Variants in SPRYD4 observed in about 807,000 individuals in gnomAD.
SPRYD4 encodes the protein SPRY domain containing 4.
SPRYD4 carries 12 observed loss-of-function variants against 16.6 expected under a neutral mutation model. That is an observed-to-expected ratio of 0.72 (90% CI 0.46 to 1.17). The LOEUF is 1.17. SPRYD4 is among the 50% of genes most tolerant of loss of function. The pLI, the probability that SPRYD4 is intolerant of heterozygous loss-of-function variation, is 0.00. For synonymous variants in SPRYD4, 98 were observed against 105.4 expected (o/e 0.93, Z 0.43); for missense variants, 260 against 260.2 (o/e 1.00, Z 0.00).
chr12:56,474,636 C>G lies in SPRYD4; in HGVS notation c.*5059C>G. On this transcript the variant is annotated 3_prime_UTR_variant, in exon 2 of 2. Coordinates refer to ENST00000338146, the MANE Select transcript of SPRYD4 (RefSeq NM_207344.4). Reference sequence around the variant, plus strand: ...ACTGCTTCAGCACTCAGCACACTCTCGCCTGTGATGGGGCAGATCCCACCG... The same window carrying G: ...ACTGCTTCAGCACTCAGCACACTCTGGCCTGTGATGGGGCAGATCCCACCG... 6.2e-7 allele frequency: 1 copy of G among 1,614,134 alleles called. No homozygotes were observed. Among genetic ancestry groups the G allele is most frequent in the Non-Finnish European group, 8.5e-7 (1 of 1,180,006 alleles).
rs1870092607 is a variant in SPRYD4, at chr12:56,479,265, A to C, written c.*9688A>C. ...GGAGCCACGGAAATTGGGAATAAAG[A>C]AGGTTGAGTGGTCTTCAGGTTTGGG... is the stretch of plus-strand genomic sequence containing the variant. On this transcript the variant is annotated 3_prime_UTR_variant, in exon 2 of 2. Coordinates refer to ENST00000338146, the MANE Select transcript of SPRYD4 (RefSeq NM_207344.4). 5 of 1,543,418 alleles carry C rather than the reference A, an allele frequency of 3.2e-6. No individual in the cohort carries two copies. Among genetic ancestry groups the C allele is most frequent in the Non-Finnish European group, 4.4e-6 (5 of 1,145,972 alleles).
Position 56,471,523 on chromosome 12 carries a change from C to A in SPRYD4, c.*1946C>A. 1.2e-6 allele frequency: 2 copies of A among 1,614,076 alleles called. No homozygotes were observed. Among genetic ancestry groups the A allele is most frequent in the Middle Eastern group, 1.6e-4 (1 of 6,062 alleles). Reference sequence around the variant, plus strand: ...TTTCTAAGTTCTCTTTGGACAGGGCCTCAGCTGCTGCCTCAGCCTGAGTTT... The same window carrying A: ...TTTCTAAGTTCTCTTTGGACAGGGCATCAGCTGCTGCCTCAGCCTGAGTTT... On this transcript the variant is annotated 3_prime_UTR_variant, in exon 2 of 2. Coordinates refer to ENST00000338146, the MANE Select transcript of SPRYD4 (RefSeq NM_207344.4).
chr12:56,470,218 CTG>C lies in SPRYD4; in HGVS notation c.*643_*644del, dbSNP rs1196968852. ...TACCCTGAGTCCATCTACCTTAAATCTGTACCTCTGACACCCAGCCAGTCTGT... is the reference window on the plus strand; with the variant it reads ...TACCCTGAGTCCATCTACCTTAAATCTACCTCTGACACCCAGCCAGTCTGT... On this transcript the variant is annotated 3_prime_UTR_variant, in exon 2 of 2. Coordinates refer to ENST00000338146, the MANE Select transcript of SPRYD4 (RefSeq NM_207344.4). The C allele has an allele frequency of 6.5e-6, 1 of 152,704 alleles. No individual in the cohort carries two copies. Among genetic ancestry groups the C allele is most frequent in the East Asian group, 2.0e-4 (1 of 5,082 alleles). 9.5% of individuals were successfully genotyped at this position (152,704 alleles called of 1,614,324 possible).
In SPRYD4 at chr12:56,470,022, G is replaced by A. The variant is rs866415247; in HGVS notation, c.*445G>A. 1 of 168,432 alleles carries A rather than the reference G, an allele frequency of 5.9e-6. No individual in the cohort carries two copies. The highest frequency in any genetic ancestry group is 1.4e-4 in the South Asian group (1 of 6,990). The allele number at this position is 168,432 out of a possible 1,614,324, so 10.4% of individuals were successfully genotyped here. A position where few individuals can be genotyped will look rare whatever the true frequency, so the allele number is the denominator to read the frequency against. On this transcript the variant is annotated 3_prime_UTR_variant, in exon 2 of 2. Coordinates refer to ENST00000338146, the MANE Select transcript of SPRYD4 (RefSeq NM_207344.4). ...AAATCCTTTCTACCTCTGGCTGAAG[G>A]AGTGGTGCAGTCAATGACTTGGCCC...
In SPRYD4 at chr12:56,474,631, A is replaced by C. The variant is rs776159597; in HGVS notation, c.*5054A>C. On this transcript the variant is annotated 3_prime_UTR_variant, in exon 2 of 2. Transcript: ENST00000338146. Reference sequence around the variant, plus strand: ...TGCGCACTGCTTCAGCACTCAGCACACTCTCGCCTGTGATGGGGCAGATCC... The same window carrying C: ...TGCGCACTGCTTCAGCACTCAGCACCCTCTCGCCTGTGATGGGGCAGATCC... The C allele has an allele frequency of 1.9e-6, 3 of 1,614,126 alleles. No homozygotes were observed. Among genetic ancestry groups the C allele is most frequent in the Non-Finnish European group, 2.5e-6 (3 of 1,180,010 alleles).
Position 56,475,328 on chromosome 12 carries a change from T to C in SPRYD4, c.*5751T>C. ...TAAACCCAAACCAAACACCCCAAAC[T>C]GTCTAGTCATCTAGGAAAACTGGTG... On this transcript the variant is annotated 3_prime_UTR_variant, in exon 2 of 2. Transcript: ENST00000338146. 1 of 1,229,852 alleles carries C rather than the reference T, an allele frequency of 8.1e-7. No homozygotes were observed. The highest frequency in any genetic ancestry group is 1.5e-5 in the South Asian group (1 of 64,646). The allele number at this position is 1,229,852 out of a possible 1,614,324, so 76.2% of individuals were successfully genotyped here.
At position 56,470,922 on chromosome 12, in the gene SPRYD4, G is replaced by A. The variant is rs1040571057; in HGVS notation, c.*1345G>A. The stretch of plus-strand genomic sequence containing the variant: ...TGGTGATGAAGCTAGATACCCCTAG[G>A]GAAGAAAGAAGGACTGGGTTTAGCA... On this transcript the variant is annotated 3_prime_UTR_variant, in exon 2 of 2. Transcript: ENST00000338146. The A allele has an allele frequency of 6.5e-6, 1 of 154,336 alleles. No individual in the cohort carries two copies. The highest frequency in any genetic ancestry group is 2.4e-5 in the African/African-American group (1 of 41,492). The allele number at this position is 154,336 out of a possible 1,614,324, so 9.6% of individuals were successfully genotyped here.
In SPRYD4 at chr12:56,478,023, T is replaced by C; in HGVS notation, c.*8446T>C. 6.2e-7 allele frequency: 1 copy of C among 1,614,212 alleles called. No homozygotes were observed. The highest frequency in any genetic ancestry group is 8.5e-7 in the Non-Finnish European group (1 of 1,180,020). On this transcript the variant is annotated 3_prime_UTR_variant, in exon 2 of 2. Transcript: ENST00000338146. ...ACGTAGTCAGTGCCTAGGGTGCTTA[T>C]GGAGATGGCATAGGTGAGGGGCTTC...
rs1270153888 is a variant in SPRYD4, at chr12:56,471,044, G to A, written c.*1467G>A. On this transcript the variant is annotated 3_prime_UTR_variant, in exon 2 of 2. Coordinates refer to ENST00000338146, the MANE Select transcript of SPRYD4 (RefSeq NM_207344.4). ...GTAGCAGCAGCATGTCCTGGCCAAG[G>A]GGAGTAGATTTCTCCAGACTACTAA... 2 of 273,186 alleles carry A rather than the reference G, an allele frequency of 7.3e-6. No individual in the cohort carries two copies. Among genetic ancestry groups the A allele is most frequent in the African/African-American group, 4.4e-5 (2 of 45,884 alleles). 16.9% of individuals were successfully genotyped at this position (273,186 alleles called of 1,614,324 possible).
Position 56,472,765 on chromosome 12 carries a change from C to A in SPRYD4, c.*3188C>A. 6.2e-7 allele frequency: 1 copy of A among 1,612,658 alleles called. No individual in the cohort carries two copies. Among genetic ancestry groups the A allele is most frequent in the South Asian group, 1.1e-5 (1 of 91,026 alleles). On this transcript the variant is annotated 3_prime_UTR_variant, in exon 2 of 2. Coordinates refer to ENST00000338146, the MANE Select transcript of SPRYD4 (RefSeq NM_207344.4). ...CACAGTCTTGTTCTGGAACACAAAT[C>A]ATACCCACATGACATTAATTGAACT...
In SPRYD4 at chr12:56,473,806, T is replaced by TA. The variant is rs1869530147; in HGVS notation, c.*4230dup. On this transcript the variant is annotated 3_prime_UTR_variant, in exon 2 of 2. Transcript: ENST00000338146. The stretch of plus-strand genomic sequence containing the variant: ...GCTAGAAAATATTTTTTGAAATACT[T>TA]ACAGCATTCTGTGCTAGATGCTGTG... 5.2e-6 allele frequency: 3 copies of TA among 575,346 alleles called. No individual in the cohort carries two copies. Among genetic ancestry groups the TA allele is most frequent in the East Asian group, 3.1e-5 (1 of 32,036 alleles). The allele number at this position is 575,346 out of a possible 1,614,324, so 35.6% of individuals were successfully genotyped here. A position where few individuals can be genotyped will look rare whatever the true frequency, so the allele number is the denominator to read the frequency against.
At position 56,472,648 on chromosome 12, in the gene SPRYD4, C is replaced by T; in HGVS notation, c.*3071C>T. On this transcript the variant is annotated 3_prime_UTR_variant, in exon 2 of 2. Coordinates refer to ENST00000338146, the MANE Select transcript of SPRYD4 (RefSeq NM_207344.4). ...GCTGCCTCCTAGTAAAATCTCTGAC[C>T]AGGAGTATTTTATTGTGTATATTTG... 2.6e-6 allele frequency: 4 copies of T among 1,564,874 alleles called. No homozygotes were observed. The highest frequency in any genetic ancestry group is 3.5e-6 in the Non-Finnish European group (4 of 1,136,032).
Position 56,474,280 on chromosome 12 carries a change from G to A in SPRYD4, c.*4703G>A. On this transcript the variant is annotated 3_prime_UTR_variant, in exon 2 of 2. Coordinates refer to ENST00000338146, the MANE Select transcript of SPRYD4 (RefSeq NM_207344.4). ...AATTTTTTGTATTTAGTAGAGATGG[G>A]GTTTCACCATGTAGGTCAGGCTGGT... The A allele has an allele frequency of 2.3e-6, 1 of 438,012 alleles. No homozygotes were observed. The highest frequency in any genetic ancestry group is 4.2e-6 in the Non-Finnish European group (1 of 236,912). 27.1% of individuals were successfully genotyped at this position (438,012 alleles called of 1,614,324 possible).
Position 56,474,575 on chromosome 12 carries a change from A to G in SPRYD4, c.*4998A>G, listed in dbSNP as rs372033123. The stretch of plus-strand genomic sequence containing the variant: ...GGCAAACTGGCCAGAGAAGTCATAC[A>G]TGCCGCAGGAATGCATGAGGCTGAG... On this transcript the variant is annotated 3_prime_UTR_variant, in exon 2 of 2. Coordinates refer to ENST00000338146, the MANE Select transcript of SPRYD4 (RefSeq NM_207344.4). The G allele has an allele frequency of 6.2e-6, 10 of 1,614,174 alleles. No homozygotes were observed. The highest frequency in any genetic ancestry group is 8.5e-6 in the Non-Finnish European group (10 of 1,180,042).
Position 56,478,136 on chromosome 12 carries a change from T to A in SPRYD4, c.*8559T>A. On this transcript the variant is annotated 3_prime_UTR_variant, in exon 2 of 2. Transcript: ENST00000338146. ...ATGCCATGAAAGGGGTTGGCCTGTG[T>A]TCGGCACCTGTGCCCTGCCTCCCCT... The A allele has an allele frequency of 6.2e-7, 1 of 1,614,142 alleles. No homozygotes were observed. The highest frequency in any genetic ancestry group is 8.5e-7 in the Non-Finnish European group (1 of 1,179,974).
chr12:56,472,916 C>G lies in SPRYD4; in HGVS notation c.*3339C>G, dbSNP rs1293752497. On this transcript the variant is annotated 3_prime_UTR_variant, in exon 2 of 2. Transcript: ENST00000338146. Reference sequence around the variant, plus strand: ...TTTTTTTTTTTTTTTGAGACGGAGTCTCGCTCTGTCGTTCAGGCTGAAGTG... The same window carrying G: ...TTTTTTTTTTTTTTTGAGACGGAGTGTCGCTCTGTCGTTCAGGCTGAAGTG... 1.7e-6 allele frequency: 1 copy of G among 572,654 alleles called. No individual in the cohort carries two copies. Among genetic ancestry groups the G allele is most frequent in the East Asian group, 3.3e-5 (1 of 30,638 alleles). The allele number at this position is 572,654 out of a possible 1,614,324, so 35.5% of individuals were successfully genotyped here. A position where few individuals can be genotyped will look rare whatever the true frequency, so the allele number is the denominator to read the frequency against.
In SPRYD4 at chr12:56,473,223, C is replaced by T. The variant is rs1458734175; in HGVS notation, c.*3646C>T. 1 of 1,613,818 alleles carries T rather than the reference C, an allele frequency of 6.2e-7. No homozygotes were observed. Among genetic ancestry groups the T allele is most frequent in the East Asian group, 2.2e-5 (1 of 44,880 alleles). ...TTCTTACAAGCCACCTGGAGTTTTC[C>T]TTACCCGAATTTCTGCCCCTTCACG... On this transcript the variant is annotated 3_prime_UTR_variant, in exon 2 of 2. Coordinates refer to ENST00000338146, the MANE Select transcript of SPRYD4 (RefSeq NM_207344.4).
Position 56,473,844 on chromosome 12 carries a change from A to G in SPRYD4, c.*4267A>G. 2.4e-6 allele frequency: 1 copy of G among 416,870 alleles called. No individual in the cohort carries two copies. Among genetic ancestry groups the G allele is most frequent in the Non-Finnish European group, 4.2e-6 (1 of 237,242 alleles). 25.8% of individuals were successfully genotyped at this position (416,870 alleles called of 1,614,324 possible). A position where few individuals can be genotyped will look rare whatever the true frequency, so the allele number is the denominator to read the frequency against. On this transcript the variant is annotated 3_prime_UTR_variant, in exon 2 of 2. Transcript: ENST00000338146. Reference sequence around the variant, plus strand: ...GCTAGATGCTGTGCTAGAACTAGGAACTTCCATTCTGGTGTTAGGAGATAG... The same window carrying G: ...GCTAGATGCTGTGCTAGAACTAGGAGCTTCCATTCTGGTGTTAGGAGATAG...
rs1340218575 is a variant in SPRYD4, at chr12:56,472,710, G to A, written c.*3133G>A. ...ATTACCTTCGAAGAGCTGAGACATCGCCACTATAGGCAGCAAATAACAGGT... is the reference window on the plus strand; with the variant it reads ...ATTACCTTCGAAGAGCTGAGACATCACCACTATAGGCAGCAAATAACAGGT... On this transcript the variant is annotated 3_prime_UTR_variant, in exon 2 of 2. Transcript: ENST00000338146. 8 of 1,613,538 alleles carry A rather than the reference G, an allele frequency of 5.0e-6. No individual in the cohort carries two copies. The South Asian group carries it at 5.5e-5, about 11-fold the overall frequency.
Sources: allele counts gnomAD v4.1 joint callset, GRCh38; gene constraint gnomAD v4.1.1; transcripts MANE v1.5; gene names NCBI Gene and HGNC (gene_info 2026-07-23, HGNC 2026-07-21).